Variants in ROCK1 observed in about 807,000 individuals in gnomAD.
The protein encoded by ROCK1 is rho-associated protein kinase 1.
ROCK1 carries 36 observed loss-of-function variants against 196.8 expected under a neutral mutation model. The ratio of observed to expected loss-of-function variants is 0.18; its 90% CI spans 0.14 to 0.24. The LOEUF is 0.24. Ranked by LOEUF, ROCK1 falls within the 10% of genes least tolerant of loss-of-function variation. The probability of loss-of-function intolerance (pLI) is 1.00; values close to 1 mark genes in which losing one functional copy is unlikely to be tolerated. For synonymous variants in ROCK1, 443 were observed against 515.9 expected, an observed-to-expected ratio of 0.86 and a Z score of 1.91; for missense variants, 920 against 1,562.0, an observed-to-expected ratio of 0.59 and a Z score of 6.93.
At chr18:20,952,223 A>T (rs2035195443) in intron 32 of ROCK1, among the ~76,000 whole-genome samples, 2 of 151,934 alleles carry the variant, frequency 1.3e-5, no homozygotes, top group Admixed American at 1.3e-4. Context: ...CTCTACTAAA[A>T]ATACAAAAAT....
chr18:21,015,917 T>C (rs1598528987), intron 12 of ROCK1, among the ~76,000 whole-genome samples: 1 of 151,550 alleles, frequency 6.6e-6, no homozygotes, highest in Non-Finnish European at 1.5e-5. Flanking sequence ...GAGGTGGAGG[T>C]TGCAGTGAGC....
At chr18:20,981,921 C>G (rs1298041568) in intron 21 of ROCK1, among the ~76,000 whole-genome samples, 1 of 151,970 alleles carries the variant, frequency 6.6e-6, no homozygotes, top group Non-Finnish European at 1.5e-5. Flanking sequence ...ATTTGAAAAC[C>G]CAGAAAAAAG....
rs965419911 is a variant in ROCK1 at position 20,949,061 on chromosome 18, T to G, written c.*2323A>C. 6.6e-6 allele frequency: 1 copy of G among 152,194 alleles called. No homozygotes were observed. The highest frequency in any genetic ancestry group is 6.6e-5 in the Admixed American group (1 of 15,266). 9.4% of individuals were successfully genotyped at this position (152,194 alleles called of 1,614,324 possible). A position where few individuals can be genotyped will look rare whatever the true frequency, so the allele number is the denominator to read the frequency against. On this transcript the variant is annotated 3_prime_UTR_variant, in exon 33 of 33. Coordinates refer to ENST00000399799, the MANE Select transcript of ROCK1 (RefSeq NM_005406.3). ...TTAGAAGAGGAAGCAGCTCTCCTGG[T>G]TGACCCAGTTCTGTAATGTGGCATT...
intron 22 of ROCK1, among the ~76,000 whole-genome samples, chr18:20,978,358 C>T (rs1198759745): frequency 6.6e-6 from 1 of 152,066 alleles, no homozygotes; most frequent in Non-Finnish European, 1.5e-5. Context: ...CTTCTTCCTC[C>T]TAAAAATCAG....
At chr18:21,073,038 G>C (rs1287809306) in intron 1 of ROCK1, among the ~76,000 whole-genome samples, 1 of 108,736 alleles carries the variant, frequency 9.2e-6, no homozygotes, top group Admixed American at 1.5e-4. Context: ...CATGCCTCCA[G>C]CCTGGGTGAA....
At chr18:21,082,235 T>C (rs1226336384) in intron 1 of ROCK1, among the ~76,000 whole-genome samples, 1 of 152,132 alleles carries the variant, frequency 6.6e-6, no homozygotes, top group Non-Finnish European at 1.5e-5. Context: ...GTAGGCAGTA[T>C]GTCCGGCCTC....
chr18:21,028,960 T>C (rs765056943), intron 9 of ROCK1, 25 bp from the exon 10 acceptor site: 2 of 1,599,430 alleles, frequency 1.3e-6, no homozygotes, highest in Non-Finnish European at 1.7e-6. Context: ...AAATTAGTTG[T>C]TCACTTCAAA....
intron 10 of ROCK1, among the ~76,000 whole-genome samples, chr18:21,026,758 C>G (rs2035961320): frequency 6.6e-6 from 1 of 152,034 alleles, no homozygotes; most frequent in Non-Finnish European, 1.5e-5. Flanking sequence ...ATAATGACCT[C>G]AAATGTAATA....
chr18:21,092,466 C>G (rs1428929604), intron 1 of ROCK1, among the ~76,000 whole-genome samples: 1 of 151,558 alleles, frequency 6.6e-6, no homozygotes, highest in Non-Finnish European at 1.5e-5. Flanking sequence ...GGTCTGTAGT[C>G]CCAGCTACTC....
intron 10 of ROCK1, among the ~76,000 whole-genome samples, chr18:21,026,546 C>T (rs2035958620): frequency 6.6e-6 from 1 of 150,696 alleles, no homozygotes; most frequent in Non-Finnish European, 1.5e-5. Context: ...ATATTATACT[C>T]ACAGAGTGTT....
chr18:20,987,811 C>A (rs1024784848), intron 18 of ROCK1, among the ~76,000 whole-genome samples: 26 of 152,062 alleles, frequency 1.7e-4, no homozygotes, highest in Non-Finnish European at 3.7e-4. Flanking sequence ...ATCTTTCCCC[C>A]CAAACTTACA....
intron 9 of ROCK1, among the ~76,000 whole-genome samples, chr18:21,034,568 A>G (rs2036040493): frequency 6.6e-6 from 1 of 152,252 alleles, no homozygotes; most frequent in African/African-American, 2.4e-5. Flanking sequence ...CTTTCAACAC[A>G]TAGTGTTAGG....
chr18:21,028,879 C>T lies in ROCK1; in HGVS notation c.1108G>A (p.Asp370Asn). ...SSDIDTSNFD[D>N]LEEDKGEEET... Reference sequence around the variant, plus strand: ...TCCTCTCCTTTATCTTCTTCCAAGTCATCAAAATTACTAGTATCAATGTCA... The same window carrying T: ...TCCTCTCCTTTATCTTCTTCCAAGTTATCAAAATTACTAGTATCAATGTCA... The change falls in exon 10 of 33, where the codon GAC becomes AAC. Residue 370 changes from aspartate to asparagine, a missense_variant. Transcript: ENST00000399799. The T allele has an allele frequency of 6.2e-7, 1 of 1,612,424 alleles. No homozygotes were observed. Among genetic ancestry groups the T allele is most frequent in the Non-Finnish European group, 8.5e-7 (1 of 1,179,444 alleles).
chr18:21,088,851 A>C (rs1460729095), intron 1 of ROCK1, among the ~76,000 whole-genome samples: 1 of 152,078 alleles, frequency 6.6e-6, no homozygotes. Context: ...TTGGATTCAG[A>C]GACTAGACCC....
At chr18:21,081,623 T>C (rs1450907588) in intron 1 of ROCK1, among the ~76,000 whole-genome samples, 2 of 152,064 alleles carry the variant, frequency 1.3e-5, no homozygotes, top group Admixed American at 6.5e-5. Flanking sequence ...TTGGTTAAGC[T>C]GACTAAGGGA....
chr18:21,072,452 TTTA>T (rs1367780936), intron 1 of ROCK1, among the ~76,000 whole-genome samples: 1 of 152,142 alleles, frequency 6.6e-6, no homozygotes, highest in African/African-American at 2.4e-5. Flanking sequence ...AGGCTTCCAT[TTTA>T]ATGCAGTGGA....
At chr18:21,021,809 A>G (rs1244465520) in intron 11 of ROCK1, among the ~76,000 whole-genome samples, 1 of 152,172 alleles carries the variant, frequency 6.6e-6, no homozygotes, top group African/African-American at 2.4e-5. Flanking sequence ...TGAAGGCCGA[A>G]GGCACTTCTA....
At chr18:20,988,209 G>A (rs1237991328) in intron 18 of ROCK1, among the ~76,000 whole-genome samples, 1 of 152,072 alleles carries the variant, frequency 6.6e-6, no homozygotes. Context: ...GAGATTACAG[G>A]TACGCACCAC....
rs372649277 is a variant in ROCK1 at position 21,042,552 on chromosome 18, C to G, written c.820+13G>C. On this transcript the variant is annotated intron_variant, in intron 7 of 32. Transcript: ENST00000399799. ...CAACTGTAATAGAGAGACATAAAAT[C>G]TTCCTTACTCACCTACAAGCATTTC... is the stretch of plus-strand genomic sequence containing the variant. 6.2e-7 allele frequency: 1 copy of G among 1,612,436 alleles called. No individual in the cohort carries two copies. Among genetic ancestry groups the G allele is most frequent in the Non-Finnish European group, 8.5e-7 (1 of 1,179,194 alleles).
Sources: gnomAD v4.1 joint callset for allele counts (sites outside exome capture counted in the v4.1 genomes callset) on GRCh38, gnomAD v4.1.1 for gene constraint, MANE v1.5 for transcripts, NCBI Gene and HGNC (gene_info 2026-07-23, HGNC 2026-07-21) for gene names.